The following FIZ1 variants were observed in gnomAD, a reference collection of about 807,000 sequenced individuals.
FIZ1 encodes the protein flt3-interacting zinc finger protein 1.
FIZ1 carries 2 observed loss-of-function variants against 5.3 expected under a neutral mutation model. The ratio of observed to expected loss-of-function variants is 0.37; its 90% CI spans 0.15 to 1.18. The LOEUF (loss-of-function observed/expected upper bound fraction) is 1.18, where lower values mean the gene tolerates loss of function less well. Ranked by LOEUF, FIZ1 falls within the 50% of genes most tolerant of loss-of-function variation. FIZ1 has a pLI of 0.37. For synonymous variants in FIZ1, 407 were observed against 364.2 expected (o/e 1.12, Z -1.34); for missense variants, 631 against 749.7 (o/e 0.84, Z 1.85).
chr19:55,596,072 G>T (rs1372757559), intron 2 of FIZ1, among the ~76,000 whole-genome samples: 1 of 152,176 alleles, frequency 6.6e-6, no homozygotes, highest in Non-Finnish European at 1.5e-5. Flanking sequence ...CTCCTGAAAT[G>T]GTTCAGTTGA....
At chr19:55,595,777 G>T (rs938616459) in intron 2 of FIZ1, 1 of 152,076 alleles carries the variant, frequency 6.6e-6, no homozygotes, top group Non-Finnish European at 1.5e-5. Context: ...GAAAGCCTCG[G>T]ACCCCAGAGG....
At chr19:55,598,145 A>C in intron 1 of FIZ1, 1 of 516,144 alleles carries the variant, frequency 1.9e-6, no homozygotes, top group Non-Finnish European at 3.4e-6. Context: ...GAGTGTTTTT[A>C]AGCCTCTCCT....
chr19:55,595,073 G>T (rs1179835903), intron 2 of FIZ1, among the ~76,000 whole-genome samples: 4 of 152,326 alleles, frequency 2.6e-5, no homozygotes, highest in Middle Eastern at 6.8e-3. Flanking sequence ...GAGGTTTTTT[G>T]TATTGATATT....
At chr19:55,596,787 C>T (rs1231393074) in intron 2 of FIZ1, among the ~76,000 whole-genome samples, 4 of 152,178 alleles carry the variant, frequency 2.6e-5, no homozygotes, top group Admixed American at 2.6e-4. Context: ...ATTCTCCTGC[C>T]TCAGCCTCCC....
intron 2 of FIZ1, among the ~76,000 whole-genome samples, chr19:55,594,204 C>T (rs1214467532): frequency 6.6e-6 from 1 of 151,710 alleles, no homozygotes; most frequent in Non-Finnish European, 1.5e-5. Flanking sequence ...ACCTGATCAA[C>T]ATGGTGAAAC....
intron 2 of FIZ1, chr19:55,595,616 T>C (rs1980291173): frequency 1.3e-5 from 2 of 152,304 alleles, no homozygotes; most frequent in Non-Finnish European, 2.9e-5. Context: ...TTGGTTTTGC[T>C]CACAGCTGTA....
chr19:55,593,723 G>T lies in FIZ1; in HGVS notation c.295-77C>A. 1 of 1,336,986 alleles carries T rather than the reference G, an allele frequency of 7.5e-7. No homozygotes were observed. Among genetic ancestry groups the T allele is most frequent in the Non-Finnish European group, 1.0e-6 (1 of 957,530 alleles). The allele number at this position is 1,336,986 out of a possible 1,614,324, so 82.8% of individuals were successfully genotyped here. A position where few individuals can be genotyped will look rare whatever the true frequency, so the allele number is the denominator to read the frequency against. On this transcript the variant is annotated intron_variant, in intron 2 of 2. Coordinates refer to ENST00000221665, the MANE Select transcript of FIZ1 (RefSeq NM_032836.3). The surrounding 1 kb of genome is among the most constrained non-coding windows in gnomAD (Gnocchi z 6.3). ...ACAACGGATTCCTGGACTCCCAGAGGGTTGTGGCACAAGCTCTCTGTCACA... is the reference window on the plus strand; with the variant it reads ...ACAACGGATTCCTGGACTCCCAGAGTGTTGTGGCACAAGCTCTCTGTCACA...
chr19:55,592,613 G>A lies in FIZ1; in HGVS notation c.1328C>T (p.Pro443Leu). 1 of 1,613,562 alleles carries A rather than the reference G, an allele frequency of 6.2e-7. No homozygotes were observed. Among genetic ancestry groups the A allele is most frequent in the Non-Finnish European group, 8.5e-7 (1 of 1,179,882 alleles). Reference sequence around the variant, plus strand: ...GAAGAACTTGCCGCACTCCAGGCACGGGAACGGCTTCTCGCCAGTGTGCAC... The same window carrying A: ...GAAGAACTTGCCGCACTCCAGGCACAGGAACGGCTTCTCGCCAGTGTGCAC... ...VLVHTGEKPF[P>L]CLECGKFFRH... is the part of the protein sequence containing the mutation. The change falls in exon 3 of 3, where the codon CCG (proline) becomes CTG (leucine). Residue 443 changes from proline to leucine, a missense_variant. Around this residue, in one of 4 missense-constraint regions of FIZ1, gnomAD observed 61 missense variants for 96.9 expected, o/e 0.63. Coordinates refer to ENST00000221665, the MANE Select transcript of FIZ1 (RefSeq NM_032836.3). The surrounding 1 kb of genome is among the most constrained non-coding windows in gnomAD (Gnocchi z 6.9).
chr19:55,598,137 G>C, intron 1 of FIZ1: 1 of 544,428 alleles, frequency 1.8e-6, no homozygotes, highest in East Asian at 3.0e-5. Context: ...ACTCCACGGA[G>C]TGTTTTTAAG....
In FIZ1 at chr19:55,593,325, C is replaced by A; in HGVS notation, c.616G>T (p.Ala206Ser). The A allele has an allele frequency of 7.8e-7, 1 of 1,282,464 alleles. No individual in the cohort carries two copies. The highest frequency in any genetic ancestry group is 2.0e-5 in the South Asian group (1 of 50,022). The allele number at this position is 1,282,464 out of a possible 1,614,324, so 79.4% of individuals were successfully genotyped here. ...SLPPFACGAC[A>S]RRFDHGRELA... ...TCGCGGCCGTGGTCGAAGCGCCGCG[C>A]GCAGGCGCCGCACGCAAATGGGGGC... Residue 206 changes from alanine to serine, a missense_variant, in exon 3 of 3, where the codon GCG becomes TCG. Transcript: ENST00000221665. The surrounding 1 kb of genome is among the most constrained non-coding windows in gnomAD (Gnocchi z 6.3).
chr19:55,595,738 G>A (rs562811506), intron 2 of FIZ1: 1 of 152,322 alleles, frequency 6.6e-6, no homozygotes, highest in South Asian at 2.1e-4. Context: ...TTGCTTCCTT[G>A]AAAGTACACA....
At position 55,593,049 on chromosome 19, in the gene FIZ1, C is replaced by T; in HGVS notation, c.892G>A (p.Ala298Thr). 1.4e-6 allele frequency: 2 copies of T among 1,393,284 alleles called. No homozygotes were observed. Among genetic ancestry groups the T allele is most frequent in the Non-Finnish European group, 1.8e-6 (2 of 1,083,492 alleles). The allele number at this position is 1,393,284 out of a possible 1,614,324, so 86.3% of individuals were successfully genotyped here. Residue 298 changes from alanine (A) to threonine (T), a missense_variant, in exon 3 of 3, where the codon GCG (alanine) becomes ACG (threonine). By Grantham distance (58) the Ala-to-Thr change is moderately conservative (BLOSUM62 0). Coordinates refer to ENST00000221665, the MANE Select transcript of FIZ1 (RefSeq NM_032836.3). The surrounding 1 kb of genome is among the most constrained non-coding windows in gnomAD (Gnocchi z 6.3). ...CCGAGCTTGGGCACGCCGCCCCCCG[C>T]GGGGCCCAGGAGCAGCCTGCGGTCC... ...ASDRRLLLGPAGGGVPKLGGL... is the reference protein window; with the variant it reads ...ASDRRLLLGPTGGGVPKLGGL...
At position 55,592,949 on chromosome 19, in the gene FIZ1, T is replaced by G; in HGVS notation, c.992A>C (p.Tyr331Ser). The G allele has an allele frequency of 6.4e-7, 1 of 1,553,264 alleles. No homozygotes were observed. The highest frequency in any genetic ancestry group is 1.1e-5 in the South Asian group (1 of 86,992). Residue 331 changes from tyrosine to serine, a missense_variant, in exon 3 of 3, where the codon TAC becomes TCC. Tyr to Ser is a moderately radical substitution (Grantham distance 144). Transcript: ENST00000221665. This position sits in a 1 kb window ranked among gnomAD's most constrained non-coding sequence, Gnocchi z 6.9. Reference sequence around the variant, plus strand: ...AAAGAAGGTCCCGCAGTCGCACTGGTACAGGGTGTCTTCCGAGGGCTCGGC... The same window carrying G: ...AAAGAAGGTCCCGCAGTCGCACTGGGACAGGGTGTCTTCCGAGGGCTCGGC... The part of the protein sequence containing the change: ...AAAEPSEDTL[Y>S]QCDCGTFFAS...
In FIZ1 at chr19:55,593,093, C is replaced by A; in HGVS notation, c.848G>T (p.Gly283Val). ...GCGGTCCGAAGCCAGAGGAGCGTCG[C>A]CCGCCTCCGCAGCGGTGCCTTCGCC... ...TAGEGTAAEA[G>V]DAPLASDRRL... The change falls in exon 3 of 3, where the codon GGC becomes GTC. Residue 283 changes from glycine to valine, a missense_variant. Gly to Val is a moderately radical substitution (Grantham distance 109). Coordinates refer to ENST00000221665, the MANE Select transcript of FIZ1 (RefSeq NM_032836.3). This position sits in a 1 kb window ranked among gnomAD's most constrained non-coding sequence, Gnocchi z 6.3. 7.5e-7 allele frequency: 1 copy of A among 1,330,698 alleles called. No individual in the cohort carries two copies. The highest frequency in any genetic ancestry group is 9.6e-7 in the Non-Finnish European group (1 of 1,046,140). The allele number at this position is 1,330,698 out of a possible 1,614,324, so 82.4% of individuals were successfully genotyped here. A position where few individuals can be genotyped will look rare whatever the true frequency, so the allele number is the denominator to read the frequency against.
At position 55,592,330 on chromosome 19, in the gene FIZ1, C is replaced by A; in HGVS notation, c.*120G>T. ...CTCTCCAGTCAGGGTCCCCTCATTT[C>A]AGGGCCTGCGTCTGGATTTGGATTT... On this transcript the variant is annotated 3_prime_UTR_variant, in exon 3 of 3. Transcript: ENST00000221665. This position sits in a 1 kb window ranked among gnomAD's most constrained non-coding sequence, Gnocchi z 6.9. 1 of 1,075,444 alleles carries A rather than the reference C, an allele frequency of 9.3e-7. No individual in the cohort carries two copies. Among genetic ancestry groups the A allele is most frequent in the Non-Finnish European group, 1.3e-6 (1 of 773,954 alleles). The allele number at this position is 1,075,444 out of a possible 1,614,324, so 66.6% of individuals were successfully genotyped here.
rs1193699839 is a variant in FIZ1, at chr19:55,593,045, C to G, written c.896G>C (p.Gly299Ala). ...SDRRLLLGPA[G>A]GGVPKLGGLL... The stretch of plus-strand genomic sequence containing the variant: ...CCCCCCGAGCTTGGGCACGCCGCCC[C>G]CCGCGGGGCCCAGGAGCAGCCTGCG... The change falls in exon 3 of 3, where the codon GGG becomes GCG. Residue 299 changes from glycine to alanine, a missense_variant. Physicochemically the swap from Gly to Ala is moderately conservative, Grantham distance 60. Around this residue, in one of 4 missense-constraint regions of FIZ1, gnomAD observed 463 missense variants for 455.1 expected, o/e 1.02. Transcript: ENST00000221665. The surrounding 1 kb of genome is among the most constrained non-coding windows in gnomAD (Gnocchi z 6.3). 4.4e-5 allele frequency: 61 copies of G among 1,395,748 alleles called. No individual in the cohort carries two copies. The highest frequency in any genetic ancestry group is 5.0e-5 in the Non-Finnish European group (54 of 1,084,910). 86.5% of individuals were successfully genotyped at this position (1,395,748 alleles called of 1,614,324 possible).
chr19:55,592,383 C>T lies in FIZ1; in HGVS notation c.*67G>A, dbSNP rs1980046447. On this transcript the variant is annotated 3_prime_UTR_variant, in exon 3 of 3. Transcript: ENST00000221665. The surrounding 1 kb of genome is among the most constrained non-coding windows in gnomAD (Gnocchi z 6.9). ...AGGGCCGGGGCCTCACGCGCAGTCCCGAGGTCCCCTGGTCCAGGCCGAGTC... is the reference window on the plus strand; with the variant it reads ...AGGGCCGGGGCCTCACGCGCAGTCCTGAGGTCCCCTGGTCCAGGCCGAGTC... The T allele has an allele frequency of 3.5e-6, 5 of 1,429,588 alleles. No individual in the cohort carries two copies. The highest frequency in any genetic ancestry group is 2.5e-5 in the East Asian group (1 of 39,976). 88.6% of individuals were successfully genotyped at this position (1,429,588 alleles called of 1,614,324 possible).
intron 2 of FIZ1, among the ~76,000 whole-genome samples, chr19:55,594,026 TG>T (rs756111327): frequency 2.6e-5 from 4 of 151,900 alleles, no homozygotes; most frequent in Non-Finnish European, 5.9e-5. Context: ...AGTTTGAGGC[TG>T]CAGTAAGCCG....
chr19:55,592,334 G>A lies in FIZ1; in HGVS notation c.*116C>T. On this transcript the variant is annotated 3_prime_UTR_variant, in exon 3 of 3. Transcript: ENST00000221665. This position sits in a 1 kb window ranked among gnomAD's most constrained non-coding sequence, Gnocchi z 6.9. ...CCAGTCAGGGTCCCCTCATTTCAGGGCCTGCGTCTGGATTTGGATTTGGAG... is the reference window on the plus strand; with the variant it reads ...CCAGTCAGGGTCCCCTCATTTCAGGACCTGCGTCTGGATTTGGATTTGGAG... 9.2e-7 allele frequency: 1 copy of A among 1,088,602 alleles called. No individual in the cohort carries two copies. The allele number at this position is 1,088,602 out of a possible 1,614,324, so 67.4% of individuals were successfully genotyped here. A position where few individuals can be genotyped will look rare whatever the true frequency, so the allele number is the denominator to read the frequency against.
Sources: allele counts gnomAD v4.1 joint callset (sites outside exome capture counted in the v4.1 genomes callset), GRCh38; gene constraint gnomAD v4.1.1; regional missense constraint gnomAD v4.1.1; non-coding constraint Gnocchi (gnomAD v3.1); transcripts MANE v1.5; gene names NCBI Gene and HGNC (gene_info 2026-07-23, HGNC 2026-07-21).